The following EPGN variants were observed in gnomAD, a reference collection of about 807,000 sequenced individuals.
The protein encoded by EPGN is epithelial mitogen.
A neutral mutation model predicts 20.7 loss-of-function variants in EPGN; 21 were observed. The observed-to-expected ratio is 1.01, with a 90% CI of 0.72 to 1.46. EPGN has a LOEUF of 1.46. Ranked by LOEUF, EPGN falls within the 40% of genes most tolerant of loss-of-function variation. The pLI is 0.00. For missense variants in EPGN, 199 were observed against 180.7 expected (o/e 1.10, Z -0.58); for synonymous variants, 69 against 63.8 (o/e 1.08, Z -0.39).
rs374777351 is a variant in EPGN, at chr4:74,308,559, T to G, written c.26T>G (p.Val9Gly). MALGVPIS[V>G]YLLFNAMTAL... ...ATGGCTTTGGGAGTTCCAATATCAG[T>G]CTATCTTTTATTCAACGGTAGGTAA... Residue 9 changes from valine (V) to glycine (G), a missense_variant, in exon 1 of 5, where the codon GTC (valine) becomes GGC (glycine). Val to Gly is a moderately radical substitution (Grantham distance 109). Transcript: ENST00000413830. 6.2e-7 allele frequency: 1 copy of G among 1,610,306 alleles called. No individual in the cohort carries two copies. The highest frequency in any genetic ancestry group is 1.3e-5 in the African/African-American group (1 of 74,880).
At chr4:74,309,336 A>G (rs1750742919) in intron 2 of EPGN, among the ~76,000 whole-genome samples, 154 bp downstream of exon 2, 1 of 152,272 alleles carries the variant, frequency 6.6e-6, no homozygotes, top group Non-Finnish European at 1.5e-5. Context: ...TTGAAGTGAC[A>G]GATAAATGTG....
chr4:74,316,273 T>C lies in EPGN; in HGVS notation c.*1636T>C, dbSNP rs7661014. Among the ~76,000 whole-genome samples, 10,004 of 152,158 alleles carry C rather than the reference T, an allele frequency of 0.066. 765 individuals are homozygous for C. The highest frequency in any genetic ancestry group is 0.18 in the African/African-American group (7,453 of 41,466). ...TATTTTTGAAGGAAATATAAAATAT[T>C]AAAGAGTAATAATAGCTATCATTTT... On this transcript the variant is annotated 3_prime_UTR_variant, in exon 5 of 5. Coordinates refer to ENST00000413830, the MANE Select transcript of EPGN (RefSeq NM_001270989.2).
chr4:74,309,661 T>A (rs1169053354), intron 2 of EPGN, among the ~76,000 whole-genome samples: 1 of 152,234 alleles, frequency 6.6e-6, no homozygotes, highest in African/African-American at 2.4e-5. Flanking sequence ...TTTTAGCATA[T>A]GCTGTATTTC....
chr4:74,311,859 C>A (rs961879695), intron 2 of EPGN, among the ~76,000 whole-genome samples: 1 of 152,190 alleles, frequency 6.6e-6, no homozygotes. Context: ...TGGGAAGCAT[C>A]GCTCAAAATA....
intron 4 of EPGN, chr4:74,313,660 G>A: frequency 1.0e-6 from 1 of 957,210 alleles, no homozygotes; most frequent in Admixed American, 6.0e-5. Context: ...AGAAGATACT[G>A]TCTCCTGCTA....
At chr4:74,313,234 C>T in intron 4 of EPGN, 64 bp downstream of exon 4, 2 of 1,535,080 alleles carry the variant, frequency 1.3e-6, no homozygotes, top group Non-Finnish European at 8.7e-7. Flanking sequence ...GTTATTCAGG[C>T]CCTATAATGT....
At chr4:74,312,083 C>A in intron 2 of EPGN, 102 bp from the exon 3 acceptor site, 4 of 1,349,278 alleles carry the variant, frequency 3.0e-6, no homozygotes, top group Non-Finnish European at 4.0e-6. Flanking sequence ...AGCACCACCC[C>A]CAAATATCCT....
At position 74,314,230 on chromosome 4, in the gene EPGN, G is replaced by A. The variant is rs1578791523; in HGVS notation, c.408-350G>A. The A allele has an allele frequency of 8.2e-6, 4 of 490,338 alleles. No homozygotes were observed. In the East Asian group the frequency reaches 2.3e-4, roughly 29 times the overall value. 30.4% of individuals were successfully genotyped at this position (490,338 alleles called of 1,614,324 possible). The stretch of plus-strand genomic sequence containing the variant: ...TGTAGCCCCAGCCTGATTCCACAGG[G>A]AGATCTAGAATGTGAATAGCAGTGT... On this transcript the variant is annotated intron_variant, in intron 4 of 4. Coordinates refer to ENST00000413830, the MANE Select transcript of EPGN (RefSeq NM_001270989.2).
At chr4:74,309,409 G>T (rs114506282) in intron 2 of EPGN, among the ~76,000 whole-genome samples, 77 of 152,278 alleles carry the variant, frequency 5.1e-4, no homozygotes, top group Non-Finnish European at 7.2e-4. Flanking sequence ...GCTGTCTTCA[G>T]TTACTGTCTT....
intron 3 of EPGN, among the ~76,000 whole-genome samples, 175 bp downstream of exon 3, chr4:74,312,480 A>G (rs1410371001): frequency 1.3e-5 from 2 of 152,136 alleles, no homozygotes; most frequent in Non-Finnish European, 2.9e-5. Flanking sequence ...TGTCCAAACT[A>G]TTTAATTCTC....
chr4:74,314,543 C>T (rs1751172804), intron 4 of EPGN, 37 bp from the exon 5 acceptor site: 1 of 1,527,554 alleles, frequency 6.5e-7, no homozygotes, highest in Non-Finnish European at 8.8e-7. Context: ...ATATGAACCA[C>T]AGTCAAATTC....
At position 74,313,169 on chromosome 4, in the gene EPGN, AG is replaced by A. The variant is rs776830351; in HGVS notation, c.407+1del. The A allele has an allele frequency of 3.1e-6, 5 of 1,608,324 alleles. No individual in the cohort carries two copies. The highest frequency in any genetic ancestry group is 4.2e-6 in the Non-Finnish European group (5 of 1,178,734). ...LVIFYCYIRK[R>X]CLKLKSPYNV... ...TATTTTTTACTGCTATATAAGAAAG[AG>A]GTATGAAAAAGACAAAATATGAAGT... On this transcript the variant is annotated frameshift_variant and splice_region_variant, in exon 4 of 5. Transcript: ENST00000413830. LOFTEE classifies it high-confidence loss of function.
chr4:74,313,283 G>A, intron 4 of EPGN, 113 bp downstream of exon 4: 2 of 1,424,274 alleles, frequency 1.4e-6, no homozygotes, highest in Non-Finnish European at 1.8e-6. Flanking sequence ...AATTAAAAAA[G>A]AGCTGTAATC....
chr4:74,310,018 T>A (rs1300172771), intron 2 of EPGN, among the ~76,000 whole-genome samples: 1 of 152,202 alleles, frequency 6.6e-6, no homozygotes, highest in Non-Finnish European at 1.5e-5. Context: ...AATGATTGTC[T>A]CGAAATATTT....
At chr4:74,313,731 G>C in intron 4 of EPGN, 1 of 745,180 alleles carries the variant, frequency 1.3e-6, no homozygotes, top group Non-Finnish European at 1.6e-6. Flanking sequence ...CTTATTTCTT[G>C]TTTTTTCCAC....
intron 4 of EPGN, chr4:74,314,299 A>G: frequency 1.9e-6 from 1 of 532,238 alleles, no homozygotes; most frequent in East Asian, 3.7e-5. Flanking sequence ...TCAATATCCC[A>G]TATTATTCAA....
rs1751222910 is a variant in EPGN at position 74,315,399 on chromosome 4, C to T, written c.*762C>T. ...AAAACTTTGTGTTGGACTCATTGGTCCCTAATGCTTTTGTTCATCACTTCT... is the reference window on the plus strand; with the variant it reads ...AAAACTTTGTGTTGGACTCATTGGTTCCTAATGCTTTTGTTCATCACTTCT... On this transcript the variant is annotated 3_prime_UTR_variant, in exon 5 of 5. Transcript: ENST00000413830. 6.6e-6 allele frequency: 1 copy of T among 152,154 alleles called. No homozygotes were observed. Among genetic ancestry groups the T allele is most frequent in the Non-Finnish European group, 1.5e-5 (1 of 68,040 alleles). 9.4% of individuals were successfully genotyped at this position (152,154 alleles called of 1,614,324 possible). A position where few individuals can be genotyped will look rare whatever the true frequency, so the allele number is the denominator to read the frequency against.
At chr4:74,310,595 C>T (rs896375325) in intron 2 of EPGN, among the ~76,000 whole-genome samples, 2 of 151,100 alleles carry the variant, frequency 1.3e-5, no homozygotes, top group African/African-American at 4.9e-5. Flanking sequence ...TGGTGAACAG[C>T]AAATAAAATA....
intron 4 of EPGN, 92 bp from the exon 5 acceptor site, chr4:74,314,488 A>C (rs1443851027): frequency 1.5e-6 from 2 of 1,292,250 alleles, no homozygotes; most frequent in African/African-American, 2.9e-5. Flanking sequence ...GTGGGACACC[A>C]AGAGCAACTG....
Sources: gnomAD v4.1 joint callset for allele counts (sites outside exome capture counted in the v4.1 genomes callset) on GRCh38, gnomAD v4.1.1 for gene constraint, MANE v1.5 for transcripts, NCBI Gene and HGNC (gene_info 2026-07-23, HGNC 2026-07-21) for gene names.